XPR1: variants seen among roughly 807,000 people sequenced by gnomAD.
XPR1 encodes solute carrier family 53 member 1.
A neutral mutation model predicts 87.5 loss-of-function variants in XPR1; 28 were observed. The ratio of observed to expected loss-of-function variants is 0.32; its 90% confidence interval spans 0.24 to 0.44. The LOEUF is 0.44. XPR1 is among the 20% of genes least tolerant of loss of function. The pLI is 1.00. For synonymous variants in XPR1, 300 were observed against 306.1 expected (o/e 0.98, Z 0.21); for missense variants, 559 against 862.3 (o/e 0.65, Z 4.41).
chr1:180,823,655 T>C (rs1650720443), intron 7 of XPR1, among the ~76,000 whole-genome samples: 1 of 152,226 alleles, frequency 6.6e-6, no homozygotes, highest in Non-Finnish European at 1.5e-5. Context: ...TATTTGAACA[T>C]TATAATTACT....
chr1:180,669,069 A>G (rs1656064050), intron 1 of XPR1, among the ~76,000 whole-genome samples: 1 of 151,808 alleles, frequency 6.6e-6, no homozygotes, highest in South Asian at 2.1e-4. Flanking sequence ...AGCCTGAGCA[A>G]CAAGAGCGAA....
chr1:180,836,379 A>G, intron 10 of XPR1, 143 bp from the exon 11 acceptor site: 1 of 825,528 alleles, frequency 1.2e-6, no homozygotes, highest in Non-Finnish European at 1.8e-6. Context: ...GAAAATCTTG[A>G]GAATATAATA....
chr1:180,858,076 C>T (rs894994045), intron 11 of XPR1, among the ~76,000 whole-genome samples: 11 of 151,968 alleles, frequency 7.2e-5, no homozygotes, highest in Non-Finnish European at 1.0e-4. Flanking sequence ...ATTAGCCGGG[C>T]GTGGTGGCGC....
At chr1:180,745,262 T>G (rs990245877) in intron 2 of XPR1, among the ~76,000 whole-genome samples, 7 of 152,186 alleles carry the variant, frequency 4.6e-5, no homozygotes, top group Non-Finnish European at 1.0e-4. Context: ...TTATTTATTC[T>G]GCTCTGCGGA....
rs530611735 is a variant in XPR1 at position 180,805,823 on chromosome 1, A to G, written c.448-239A>G. Among the ~76,000 whole-genome samples, 57 of 152,334 alleles carry G rather than the reference A, an allele frequency of 3.7e-4. 1 individual carries two copies. In the South Asian group the frequency reaches 0.011, roughly 30 times the overall value. On this transcript the variant is annotated intron_variant, in intron 4 of 14. Transcript: ENST00000367590. ...CATTAATTTACTTGAAAGAGAAATA[A>G]TAGGGTTCATAGTTCAGGGTTTCTT...
chr1:180,656,097 C>A lies in XPR1; in HGVS notation c.69+23827C>A, dbSNP rs1236899812. On this transcript the variant is annotated intron_variant, in intron 1 of 14. Coordinates refer to ENST00000367590, the MANE Select transcript of XPR1 (RefSeq NM_004736.4). ...TTGGTACCCATTAACTATCTGCCCC[C>A]CAATACCCTTCTGAGCCCCTGGTAA... is the stretch of plus-strand genomic sequence containing the variant. Among the ~76,000 whole-genome samples the A allele has an allele frequency of 2.3e-4, 34 of 150,990 alleles. No homozygotes were observed. In the Admixed American group the frequency reaches 2.3e-3, roughly 10 times the overall value.
chr1:180,659,415 CCT>C, intron 1 of XPR1, among the ~76,000 whole-genome samples: 1 of 130,212 alleles, frequency 7.7e-6, no homozygotes, highest in Non-Finnish European at 1.6e-5. Flanking sequence ...TTCCTTCCTT[CCT>C]TCCTTCCTTC....
intron 2 of XPR1, among the ~76,000 whole-genome samples, chr1:180,706,227 C>T (rs963971826): frequency 2.6e-5 from 4 of 152,164 alleles, no homozygotes; most frequent in South Asian, 2.1e-4. Flanking sequence ...TATAGACCTT[C>T]GTGGGTTCCT....
At chr1:180,814,463 T>G (rs1235236177) in intron 7 of XPR1, among the ~76,000 whole-genome samples, 1 of 152,212 alleles carries the variant, frequency 6.6e-6, no homozygotes, top group Non-Finnish European at 1.5e-5. Flanking sequence ...TGGGTTTCAG[T>G]TTCAGCTCCA....
In XPR1 at chr1:180,713,238, T is replaced by C. The variant is rs539720676; in HGVS notation, c.121+30827T>C. 2.6e-5 allele frequency among the ~76,000 whole-genome samples: 4 copies of C among 152,326 alleles called. No homozygotes were observed. The South Asian group carries it at 8.3e-4, about 32-fold the overall frequency. On this transcript the variant is annotated intron_variant, in intron 2 of 14. Coordinates refer to ENST00000367590, the MANE Select transcript of XPR1 (RefSeq NM_004736.4). ...TTTATTTCTAAGTATTCAATTTTTT[T>C]TGATGCTCTTGCAAATGATACTGTC...
chr1:180,812,079 C>A (rs1650236731), intron 7 of XPR1, among the ~76,000 whole-genome samples: 1 of 152,186 alleles, frequency 6.6e-6, no homozygotes, highest in Non-Finnish European at 1.5e-5. Context: ...GAATTTGACA[C>A]ACCCCACAGT....
At chr1:180,855,205 G>GA (rs990313888) in intron 11 of XPR1, among the ~76,000 whole-genome samples, 6 of 151,952 alleles carry the variant, frequency 3.9e-5, no homozygotes, top group African/African-American at 1.4e-4. Flanking sequence ...TTACAGGAAA[G>GA]AAAAAAATTG....
At chr1:180,642,426 T>G (rs75698564) in intron 1 of XPR1, among the ~76,000 whole-genome samples, 1 of 151,836 alleles carries the variant, frequency 6.6e-6, no homozygotes, top group Admixed American at 6.6e-5. Context: ...TCTTTTTTTT[T>G]AAAAAAATAA....
chr1:180,638,487 T>C (rs1654858680), intron 1 of XPR1, among the ~76,000 whole-genome samples: 1 of 152,104 alleles, frequency 6.6e-6, no homozygotes, highest in South Asian at 2.1e-4. Flanking sequence ...ATTTGCCTTT[T>C]CAGGTCTTTC....
chr1:180,844,063 G>T (rs6687073), intron 11 of XPR1, among the ~76,000 whole-genome samples: 6,531 of 151,992 alleles, frequency 0.043, 504 homozygotes, highest in African/African-American at 0.15. Flanking sequence ...ATACAAAAAT[G>T]AGTTGAGTGT....
At chr1:180,853,875 C>T (rs1286369122) in intron 11 of XPR1, among the ~76,000 whole-genome samples, 1 of 144,254 alleles carries the variant, frequency 6.9e-6, no homozygotes, top group Non-Finnish European at 1.5e-5. Context: ...TGATATTACA[C>T]ACAATTTTTT....
rs189661645 is a variant in XPR1, at chr1:180,730,174, A to C, written c.121+47763A>C. On this transcript the variant is annotated intron_variant, in intron 2 of 14. Transcript: ENST00000367590. ...CTTTCCCCATTGCTTGTTTTTGTCA[A>C]CTTTGTCAAAGATCAGAGAGTGTAG... is the stretch of plus-strand genomic sequence containing the variant. Among the ~76,000 whole-genome samples, 55 of 152,058 alleles carry C rather than the reference A, an allele frequency of 3.6e-4. No individual in the cohort carries two copies. In the South Asian group the frequency reaches 0.011, roughly 31 times the overall value.
chr1:180,828,274 T>C (rs1461613782), intron 9 of XPR1, among the ~76,000 whole-genome samples: 1 of 152,234 alleles, frequency 6.6e-6, no homozygotes, highest in Non-Finnish European at 1.5e-5. Flanking sequence ...GGAATTGATA[T>C]ATGCTATGCT....
At chr1:180,877,316 T>C (rs577265128) in intron 13 of XPR1, among the ~76,000 whole-genome samples, 1 of 152,260 alleles carries the variant, frequency 6.6e-6, no homozygotes, top group South Asian at 2.1e-4. Context: ...GTATATGGTG[T>C]TGGTGAAAGG....
Sources: gnomAD v4.1 joint callset for allele counts (sites outside exome capture counted in the v4.1 genomes callset) on GRCh38, gnomAD v4.1.1 for gene constraint, MANE v1.5 for transcripts, NCBI Gene and HGNC (gene_info 2026-07-23, HGNC 2026-07-21) for gene names.